CREBBP: variants seen among roughly 807,000 people sequenced by gnomAD.
CREBBP encodes the protein CREB binding lysine acetyltransferase, also known as CREB-binding protein.
A neutral mutation model predicts 265.0 loss-of-function variants in CREBBP; 19 were observed. That is an observed-to-expected ratio of 0.07 (90% CI 0.05 to 0.11). The LOEUF (loss-of-function observed/expected upper bound fraction) is 0.11. Ranked by LOEUF, CREBBP falls within the 10% of genes least tolerant of loss-of-function variation. CREBBP has a pLI of 1.00. For synonymous variants in CREBBP, 1,457 were observed against 1,223.7 expected (o/e 1.19, Z -3.98); for missense variants, 2,525 against 3,219.0 (o/e 0.78, Z 5.22).
chr16:3,868,182 C>A (rs2055218431), intron 1 of CREBBP, among the ~76,000 whole-genome samples: 1 of 152,146 alleles, frequency 6.6e-6, no homozygotes, highest in African/African-American at 2.4e-5. Context: ...CAGAAACAGA[C>A]AGGAGGAAGA....
chr16:3,860,793 ATTATTG>A (rs1435995637), intron 1 of CREBBP, among the ~76,000 whole-genome samples: 7 of 152,174 alleles, frequency 4.6e-5, no homozygotes, highest in Non-Finnish European at 8.8e-5. Context: ...TGTTGTTATT[ATTATTG>A]TTAAATGACC....
chr16:3,739,197 G>A lies in CREBBP; in HGVS notation c.4280+381C>T, dbSNP rs148593424. ...GCACCACTCGGCACAGAGAGCCACA[G>A]TTAAGGCAAACTGAGAAAAGCCACT... On this transcript the variant is annotated intron_variant, in intron 25 of 30. Transcript: ENST00000262367. Among the ~76,000 whole-genome samples, 602 of 152,366 alleles carry A rather than the reference G, an allele frequency of 4.0e-3. 3 individuals carry two copies. Among genetic ancestry groups the A allele is most frequent in the African/African-American group, 0.014 (577 of 41,580 alleles).
chr16:3,821,501 C>T (rs1251474329), intron 2 of CREBBP, among the ~76,000 whole-genome samples: 1 of 152,146 alleles, frequency 6.6e-6, no homozygotes. Flanking sequence ...GTATTTTACA[C>T]AAAGAACAGC....
In CREBBP at chr16:3,880,387, CGCTCCCG is replaced by C. The variant is rs1260893473; in HGVS notation, c.-478_-472del. 6.9e-6 allele frequency: 1 copy of C among 144,170 alleles called. No individual in the cohort carries two copies. The highest frequency in any genetic ancestry group is 2.5e-5 in the African/African-American group (1 of 39,856). The allele number at this position is 144,170 out of a possible 1,614,324, so 8.9% of individuals were successfully genotyped here. On this transcript the variant is annotated 5_prime_UTR_variant, in exon 1 of 31. Transcript: ENST00000262367. ...CCGACGACGAGGGGGCTCCGGGCTC[CGCTCCCG>C]GCCCGCGGCCCGCCGCCGCCGCCGC... is the stretch of plus-strand genomic sequence containing the variant.
At chr16:3,777,098 T>C (rs1399368737) in intron 11 of CREBBP, among the ~76,000 whole-genome samples, 1 of 151,778 alleles carries the variant, frequency 6.6e-6, no homozygotes, top group African/African-American at 2.4e-5. Context: ...ATCCCAGCAC[T>C]TTGGGAGGCT....
intron 27 of CREBBP, 118 bp from the exon 28 acceptor site, chr16:3,736,321 G>T: frequency 9.3e-7 from 1 of 1,072,994 alleles, no homozygotes; most frequent in Non-Finnish European, 1.4e-6. Flanking sequence ...TCCCATGCAT[G>T]TGTGCCCCCC....
chr16:3,771,632 T>A (rs1357667877), intron 13 of CREBBP, among the ~76,000 whole-genome samples: 3 of 151,782 alleles, frequency 2.0e-5, no homozygotes, highest in Non-Finnish European at 4.4e-5. Context: ...AACCCAATAT[T>A]TACCAAGATT....
rs138978272 is a variant in CREBBP, at chr16:3,829,728, A to T, written c.799-18949T>A. ...AAAACAAACTAATAAAGGACAATAA[A>T]ACCCATATTCAACAACATTATCATC... On this transcript the variant is annotated intron_variant, in intron 2 of 30. Coordinates refer to ENST00000262367, the MANE Select transcript of CREBBP (RefSeq NM_004380.3). 2.5e-3 allele frequency among the ~76,000 whole-genome samples: 379 copies of T among 152,324 alleles called. 8 individuals are homozygous for T. The highest frequency in any genetic ancestry group is 0.024 in the Admixed American group (360 of 15,296).
chr16:3,822,599 C>T (rs555033650), intron 2 of CREBBP, among the ~76,000 whole-genome samples: 7 of 152,200 alleles, frequency 4.6e-5, no homozygotes, highest in East Asian at 1.9e-4. Flanking sequence ...CTCCTCATGG[C>T]GAATCTCCTG....
chr16:3,861,661 A>AAG (rs1197120294), intron 1 of CREBBP, among the ~76,000 whole-genome samples: 1 of 148,830 alleles, frequency 6.7e-6, no homozygotes, highest in Admixed American at 6.6e-5. Flanking sequence ...CCAAAAAAAA[A>AAG]AAAAAAAAAG....
At chr16:3,806,069 G>T (rs900217101) in intron 3 of CREBBP, among the ~76,000 whole-genome samples, 3 of 152,170 alleles carry the variant, frequency 2.0e-5, no homozygotes, top group Non-Finnish European at 2.9e-5. Flanking sequence ...CCAGTCACTC[G>T]GATGCAGGTG....
At chr16:3,787,737 G>A (rs1240852840) in intron 5 of CREBBP, among the ~76,000 whole-genome samples, 2 of 151,962 alleles carry the variant, frequency 1.3e-5, no homozygotes, top group East Asian at 3.9e-4. Context: ...TTGGCTCACT[G>A]CAACCTCTGC....
At chr16:3,826,463 G>C (rs1031826355) in intron 2 of CREBBP, among the ~76,000 whole-genome samples, 4 of 152,122 alleles carry the variant, frequency 2.6e-5, no homozygotes, top group Admixed American at 6.6e-5. Context: ...AAACCTGAGA[G>C]GCACGACCTC....
chr16:3,760,820 T>A (rs1378602892), intron 16 of CREBBP, among the ~76,000 whole-genome samples: 1 of 152,056 alleles, frequency 6.6e-6, no homozygotes, highest in African/African-American at 2.4e-5. Flanking sequence ...TGGGCTCAAG[T>A]GATCTTGTCA....
chr16:3,749,499 C>G (rs1374297701), intron 21 of CREBBP, 128 bp downstream of exon 21: 1 of 664,492 alleles, frequency 1.5e-6, no homozygotes, highest in Non-Finnish European at 2.7e-6. Context: ...AAAAGATAAC[C>G]TCACACCAGA....
rs750833864 is a variant in CREBBP at position 3,780,881 on chromosome 16, A to G, written c.1677-3T>C. 14 of 1,613,148 alleles carry G rather than the reference A, an allele frequency of 8.7e-6. No homozygotes were observed. Among genetic ancestry groups the G allele is most frequent in the Non-Finnish European group, 1.2e-5 (14 of 1,180,016 alleles). ...TGGAGCCATCGTTCATCAGTGGGCTAAGGAGGAAATAAAGACACTTCATCC... is the reference window on the plus strand; with the variant it reads ...TGGAGCCATCGTTCATCAGTGGGCTGAGGAGGAAATAAAGACACTTCATCC... On this transcript the variant is annotated splice_polypyrimidine_tract_variant and splice_region_variant and intron_variant, in intron 7 of 30. Transcript: ENST00000262367.
At chr16:3,827,376 C>G (rs1031163732) in intron 2 of CREBBP, among the ~76,000 whole-genome samples, 3 of 152,032 alleles carry the variant, frequency 2.0e-5, no homozygotes, top group African/African-American at 4.8e-5. Flanking sequence ...AAAAAGTGAT[C>G]TTGCTTACTT....
chr16:3,740,470 G>A lies in CREBBP; in HGVS notation c.4062C>T (p.Ala1354=), dbSNP rs758900612. 17 of 1,614,016 alleles carry A rather than the reference G, an allele frequency of 1.1e-5. No homozygotes were observed. The highest frequency in any genetic ancestry group is 2.2e-5 in the East Asian group (1 of 44,886). The change falls in exon 24 of 31, where the codon GCC becomes GCT. Residue 1354 remains alanine (A), a synonymous_variant. Transcript: ENST00000262367. ...KFLRRQNHPE[A]GEVFVRVVAS... is the part of the protein sequence containing the mutation. Reference sequence around the variant, plus strand: ...CCACCACTCGGACAAAAACCTCCCCGGCTTCAGGGTGATTCTGGCGCCGCA... The same window carrying A: ...CCACCACTCGGACAAAAACCTCCCCAGCTTCAGGGTGATTCTGGCGCCGCA...
intron 19 of CREBBP, among the ~76,000 whole-genome samples, chr16:3,753,048 C>T (rs1245004910): frequency 6.6e-6 from 1 of 152,176 alleles, no homozygotes; most frequent in Non-Finnish European, 1.5e-5. Context: ...GTAGCGACGG[C>T]AGCACGAATG....
Sources: gnomAD v4.1 joint callset for allele counts (sites outside exome capture counted in the v4.1 genomes callset) on GRCh38, gnomAD v4.1.1 for gene constraint, MANE v1.5 for transcripts, NCBI Gene and HGNC (gene_info 2026-07-23, HGNC 2026-07-21) for gene names.